Variants in CELF2 observed in about 807,000 individuals in gnomAD.
CELF2 encodes the protein CUG triplet repeat RNA-binding protein 2.
Under a neutral mutation model 62.6 loss-of-function variants are expected in CELF2, and 8 were observed. That is an observed-to-expected ratio of 0.13 (90% CI 0.07 to 0.23). The LOEUF is 0.23. CELF2 is among the 10% of genes least tolerant of loss of function. The pLI is 1.00. For missense variants in CELF2, 333 were observed against 671.0 expected, an observed-to-expected ratio of 0.50 and a Z score of 5.56; for synonymous variants, 258 against 250.0, an observed-to-expected ratio of 1.03 and a Z score of -0.30.
intron 1 of CELF2, chr10:11,097,151 G>A (rs2050122368): frequency 6.6e-6 from 1 of 152,148 alleles, no homozygotes; most frequent in Admixed American, 6.5e-5. Context: ...ATTTAGTGAT[G>A]TATAGTATTT....
At chr10:10,649,454 G>A in the CELF2 span, among the ~76,000 whole-genome samples, 1 of 151,982 alleles carries the variant, frequency 6.6e-6, no homozygotes, top group African/African-American at 2.4e-5. Flanking sequence ...GTTTCCTCTG[G>A]GGGGAAAAAA....
the CELF2 span, among the ~76,000 whole-genome samples, chr10:10,598,751 CTTTTTTTTTTT>C: frequency 7.2e-5 from 5 of 69,586 alleles, no homozygotes; most frequent in Non-Finnish European, 1.5e-4. Context: ...CTTTTTCTTT[CTTTTTTTTTTT>C]TTTTTTTTTT....
At chr10:10,922,088 C>A (rs1360936353) in intron 2 of CELF2, among the ~76,000 whole-genome samples, 2 of 150,168 alleles carry the variant, frequency 1.3e-5, no homozygotes, top group African/African-American at 4.9e-5. Context: ...TAAAGAAAAT[C>A]TTTGCTTATA....
At chr10:10,981,078 T>C (rs1358748745) in intron 2 of CELF2, among the ~76,000 whole-genome samples, 2 of 152,226 alleles carry the variant, frequency 1.3e-5, no homozygotes, top group Admixed American at 6.5e-5. Context: ...CCTTCTGCCA[T>C]TGTGACACGC....
chr10:11,049,010 T>C (rs911930965), intron 1 of CELF2, among the ~76,000 whole-genome samples: 1 of 152,172 alleles, frequency 6.6e-6, no homozygotes, highest in African/African-American at 2.4e-5. Context: ...CTTCAAAATA[T>C]GTACAGAATT....
chr10:10,911,388 A>G (rs7067649), intron 1 of CELF2, among the ~76,000 whole-genome samples: 130,867 of 152,206 alleles, frequency 0.86, 56,365 homozygotes, highest in South Asian at 0.94. Flanking sequence ...AAATAAAATC[A>G]TAGCAAGGAC....
the CELF2 span, among the ~76,000 whole-genome samples, chr10:10,683,707 G>A: frequency 1.3e-5 from 2 of 152,220 alleles, no homozygotes; most frequent in African/African-American, 4.8e-5. Flanking sequence ...GTGGATAGCA[G>A]TTGTAATGTA....
At chr10:10,881,396 A>G (rs1045862812) in intron 1 of CELF2, among the ~76,000 whole-genome samples, 1 of 152,118 alleles carries the variant, frequency 6.6e-6, no homozygotes, top group African/African-American at 2.4e-5. Flanking sequence ...TTTTAACTTC[A>G]TTTTTTTCCT....
intron 1 of CELF2, among the ~76,000 whole-genome samples, chr10:10,831,181 T>C (rs1459880568): frequency 6.6e-6 from 1 of 152,234 alleles, no homozygotes; most frequent in Non-Finnish European, 1.5e-5. Flanking sequence ...AATTGCGCAC[T>C]TCAAGTACGT....
At chr10:10,758,319 G>C in the CELF2 span, among the ~76,000 whole-genome samples, 1 of 152,088 alleles carries the variant, frequency 6.6e-6, no homozygotes, top group East Asian at 1.9e-4. Flanking sequence ...ATGCACCTTG[G>C]GCTCTTTTCA....
intron 12 of CELF2, among the ~76,000 whole-genome samples, chr10:11,326,257 T>C (rs574518720): frequency 1.3e-5 from 2 of 152,338 alleles, no homozygotes; most frequent in Middle Eastern, 3.4e-3. Flanking sequence ...GCCCTCCAGG[T>C]TTAGTACAAT....
intron 1 of CELF2, among the ~76,000 whole-genome samples, chr10:10,837,299 T>G (rs555785145): frequency 1.3e-5 from 2 of 152,340 alleles, no homozygotes; most frequent in South Asian, 4.1e-4. Context: ...CACTTGGCTC[T>G]CATTTTCTGT....
chr10:10,866,629 A>T (rs1384358181), intron 1 of CELF2, among the ~76,000 whole-genome samples: 6 of 150,734 alleles, frequency 4.0e-5, no homozygotes, highest in Non-Finnish European at 8.9e-5. Context: ...AAAAAAAAAA[A>T]AAATCCAACA....
At chr10:11,287,004 A>C (rs774432055) in intron 8 of CELF2, among the ~76,000 whole-genome samples, 5 of 152,208 alleles carry the variant, frequency 3.3e-5, no homozygotes, top group Non-Finnish European at 5.9e-5. Flanking sequence ...CCAGGGCAGA[A>C]GAGTGCTGTC....
At chr10:11,251,333 A>G (rs1357450149) in intron 4 of CELF2, among the ~76,000 whole-genome samples, 1 of 123,360 alleles carries the variant, frequency 8.1e-6, no homozygotes, top group African/African-American at 3.2e-5. Flanking sequence ...TTTGCCTCAG[A>G]GAACCCTTTC....
chr10:10,682,512 G>C, the CELF2 span, among the ~76,000 whole-genome samples: 1 of 152,218 alleles, frequency 6.6e-6, no homozygotes, highest in Admixed American at 6.5e-5. Flanking sequence ...CTTGCTTCTT[G>C]CGCAGACTGA....
the CELF2 span, among the ~76,000 whole-genome samples, chr10:10,653,069 C>T: frequency 6.6e-6 from 1 of 152,046 alleles, no homozygotes; most frequent in African/African-American, 2.4e-5. Context: ...TTGCAATCCT[C>T]ATTTCTGATA....
chr10:10,825,178 A>AT (rs1000766265), intron 1 of CELF2, among the ~76,000 whole-genome samples: 12 of 151,632 alleles, frequency 7.9e-5, no homozygotes, highest in African/African-American at 2.2e-4. Context: ...AAGGATACCG[A>AT]TTTTTTTTGT....
intron 1 of CELF2, among the ~76,000 whole-genome samples, chr10:11,139,622 A>C (rs1179287828): frequency 1.3e-5 from 2 of 152,206 alleles, no homozygotes; most frequent in Admixed American, 1.3e-4. Context: ...GTATCGCTCA[A>C]GCTTGTGAGT....
Sources: gnomAD v4.1 joint callset for allele counts (sites outside exome capture counted in the v4.1 genomes callset) on GRCh38, gnomAD v4.1.1 for gene constraint, MANE v1.5 for transcripts, NCBI Gene and HGNC (gene_info 2026-07-23, HGNC 2026-07-21) for gene names.